The following CHIA variants were observed in gnomAD, a reference collection of about 807,000 sequenced individuals.
The protein encoded by CHIA is chitinase acidic, also known as acidic mammalian chitinase.
A neutral mutation model predicts 53.5 loss-of-function variants in CHIA; 47 were observed. That is an observed-to-expected ratio of 0.88 (90% CI 0.70 to 1.12). CHIA has a LOEUF of 1.12. CHIA is among the 50% of genes most tolerant of loss of function. CHIA has a pLI of 0.00. For missense variants in CHIA, 652 were observed against 592.2 expected (o/e 1.10, Z -1.05); for synonymous variants, 268 against 222.2 (o/e 1.21, Z -1.83).
At chr1:111,318,384 A>G in intron 8 of CHIA, 109 bp from the exon 9 acceptor site, 1 of 995,762 alleles carries the variant, frequency 1.0e-6, no homozygotes, top group Non-Finnish European at 1.5e-6. Context: ...ATACTAATCC[A>G]TCTGGAATTA....
chr1:111,303,037 A>G (rs1409557759), intron 1 of CHIA, among the ~76,000 whole-genome samples: 1 of 152,038 alleles, frequency 6.6e-6, no homozygotes, highest in Non-Finnish European at 1.5e-5. Context: ...TTTTTAATTT[A>G]TAATCTATTT....
chr1:111,311,818 T>G lies in CHIA; in HGVS notation c.55+100T>G, dbSNP rs115520129. On this transcript the variant is annotated intron_variant, in intron 3 of 11. Coordinates refer to ENST00000369740, the MANE Select transcript of CHIA (RefSeq NM_201653.4). ...TGTTTGCTTCACAGACAGATGGGTT[T>G]GATTTGGGAGTAATCTAGTGTTTTG... 379 of 1,275,824 alleles carry G rather than the reference T, an allele frequency of 3.0e-4. 1 individual carries two copies. Among genetic ancestry groups the G allele is most frequent in the Non-Finnish European group, 4.0e-4 (354 of 875,594 alleles). The allele number at this position is 1,275,824 out of a possible 1,614,324, so 79.0% of individuals were successfully genotyped here.
intron 4 of CHIA, among the ~76,000 whole-genome samples, chr1:111,313,871 T>C (rs750504429): frequency 3.7e-4 from 56 of 152,220 alleles, no homozygotes; most frequent in Non-Finnish European, 8.8e-5. Context: ...CTATCAGTAA[T>C]GGCATTATCG....
At chr1:111,301,918 G>A (rs1039383193) in intron 1 of CHIA, among the ~76,000 whole-genome samples, 11 of 152,048 alleles carry the variant, frequency 7.2e-5, no homozygotes, top group Admixed American at 2.0e-4. Flanking sequence ...GTGGGGGATT[G>A]GGGGAGGGAT....
chr1:111,314,014 C>T (rs1015834670), intron 4 of CHIA, among the ~76,000 whole-genome samples: 3 of 152,092 alleles, frequency 2.0e-5, no homozygotes, highest in African/African-American at 7.2e-5. Flanking sequence ...AGTGTTAGTC[C>T]CTACTGCAAT....
At chr1:111,295,714 A>G in intron 1 of CHIA, among the ~76,000 whole-genome samples, 1 of 152,052 alleles carries the variant, frequency 6.6e-6, no homozygotes, top group East Asian at 1.9e-4. Context: ...CTGGTTGGAC[A>G]GTGGGTGCAG....
At chr1:111,311,830 A>G in intron 3 of CHIA, 112 bp downstream of exon 3, 1 of 1,155,896 alleles carries the variant, frequency 8.7e-7, no homozygotes, top group South Asian at 1.2e-5. Flanking sequence ...ATTTGGGAGT[A>G]ATCTAGTGTT....
At chr1:111,308,413 CT>C (rs1434240292) in intron 1 of CHIA, among the ~76,000 whole-genome samples, 1 of 152,222 alleles carries the variant, frequency 6.6e-6, no homozygotes, top group East Asian at 1.9e-4. Context: ...GGGCCAAAAG[CT>C]TGCGTACTTA....
intron 1 of CHIA, among the ~76,000 whole-genome samples, chr1:111,300,608 A>G (rs1647642260): frequency 6.6e-6 from 1 of 152,244 alleles, no homozygotes; most frequent in Admixed American, 6.5e-5. Flanking sequence ...CGTAAATATT[A>G]GACTTAAAAC....
Position 111,312,934 on chromosome 1 carries a change from A to T in CHIA, c.257+543A>T, listed in dbSNP as rs561941179. 2.0e-5 allele frequency among the ~76,000 whole-genome samples: 3 copies of T among 152,238 alleles called. No individual in the cohort carries two copies. The South Asian group carries it at 6.2e-4, about 32-fold the overall frequency. ...TTTCTGTGCCTGGTTTATCTCACTT[A>T]ACATAATATCCTCCAGGTTTATCCA... is the stretch of plus-strand genomic sequence containing the variant. On this transcript the variant is annotated intron_variant, in intron 4 of 11. Coordinates refer to ENST00000369740, the MANE Select transcript of CHIA (RefSeq NM_201653.4).
intron 1 of CHIA, among the ~76,000 whole-genome samples, chr1:111,309,251 T>C (rs1648471539): frequency 6.6e-6 from 1 of 152,204 alleles, no homozygotes; most frequent in Non-Finnish European, 1.5e-5. Context: ...ACAAAACACT[T>C]AACCTACCAA....
chr1:111,315,861 C>G, intron 6 of CHIA: 1 of 456,180 alleles, frequency 2.2e-6, no homozygotes. Flanking sequence ...CTAGGCTGCC[C>G]GTTATTACTG....
intron 1 of CHIA, among the ~76,000 whole-genome samples, chr1:111,309,107 C>T (rs1648459758): frequency 6.6e-6 from 1 of 152,134 alleles, no homozygotes; most frequent in Non-Finnish European, 1.5e-5. Flanking sequence ...TTAATAGGGA[C>T]AGCAAACCAC....
At chr1:111,303,365 G>GAACACTACGTTCT (rs1647911263) in intron 1 of CHIA, among the ~76,000 whole-genome samples, 1 of 151,850 alleles carries the variant, frequency 6.6e-6, no homozygotes, top group African/African-American at 2.4e-5. Context: ...TTTGTGGTTA[G>GAACACTACGTTCT]TTGATTGTTC....
intron 5 of CHIA, 85 bp downstream of exon 5, chr1:111,314,681 A>G (rs1217212024): frequency 2.2e-6 from 2 of 907,552 alleles, no homozygotes; most frequent in South Asian, 1.4e-5. Context: ...TAGACTTCAC[A>G]ATCTAAGACA....
intron 1 of CHIA, among the ~76,000 whole-genome samples, chr1:111,291,343 G>C (rs1249843876): frequency 6.6e-6 from 1 of 152,184 alleles, no homozygotes; most frequent in Non-Finnish European, 1.5e-5. Flanking sequence ...AAACAGGAAT[G>C]AGATCATGTC....
intron 9 of CHIA, 45 bp downstream of exon 9, chr1:111,318,723 G>A: frequency 6.4e-7 from 1 of 1,559,450 alleles, no homozygotes; most frequent in Non-Finnish European, 8.7e-7. Context: ...TCCGTGCACT[G>A]TGCCTTAGGG....
At chr1:111,296,716 G>C (rs1000329787) in intron 1 of CHIA, among the ~76,000 whole-genome samples, 1 of 152,200 alleles carries the variant, frequency 6.6e-6, no homozygotes, top group Non-Finnish European at 1.5e-5. Flanking sequence ...GCTGGACGGA[G>C]AATATGTTTG....
intron 1 of CHIA, among the ~76,000 whole-genome samples, chr1:111,300,541 G>A (rs376404732): frequency 1.1e-4 from 16 of 152,294 alleles, no homozygotes; most frequent in East Asian, 5.8e-4. Context: ...GTAGGAAGCT[G>A]AACCTGGATC....
Sources: gnomAD v4.1 joint callset for allele counts (sites outside exome capture counted in the v4.1 genomes callset) on GRCh38, gnomAD v4.1.1 for gene constraint, MANE v1.5 for transcripts, NCBI Gene and HGNC (gene_info 2026-07-23, HGNC 2026-07-21) for gene names.